Variants in ZCWPW2 observed in about 807,000 individuals in gnomAD.
ZCWPW2 encodes the protein zinc finger CW-type and PWWP domain containing 2, also known as zinc finger CW-type PWWP domain protein 2.
A neutral mutation model predicts 46.6 loss-of-function variants in ZCWPW2; 45 were observed. The ratio of observed to expected loss-of-function variants is 0.96; its 90% CI spans 0.76 to 1.24. The LOEUF (loss-of-function observed/expected upper bound fraction) is 1.24, where lower values mean the gene tolerates loss of function less well. Among genes scored for constraint, ZCWPW2 ranks in the 50% most tolerant of loss-of-function variants. ZCWPW2 has a pLI of 0.00. For missense variants in ZCWPW2, 429 were observed against 403.9 expected (o/e 1.06, Z -0.53); for synonymous variants, 152 against 137.1 (o/e 1.11, Z -0.76).
intron 4 of ZCWPW2, chr3:28,461,573 C>T (rs1163980767): frequency 6.6e-6 from 1 of 151,940 alleles, no homozygotes; most frequent in African/African-American, 2.4e-5. Context: ...ATGTAGCAGC[C>T]TTTCATTTTC....
At chr3:28,449,650 C>T (rs1698146887) in intron 4 of ZCWPW2, among the ~76,000 whole-genome samples, 1 of 152,094 alleles carries the variant, frequency 6.6e-6, no homozygotes, top group East Asian at 1.9e-4. Context: ...CCAAACTGTA[C>T]ACTTAAAATA....
At chr3:28,475,957 G>T (rs1699226267) in intron 4 of ZCWPW2, among the ~76,000 whole-genome samples, 1 of 151,940 alleles carries the variant, frequency 6.6e-6, no homozygotes, top group Non-Finnish European at 1.5e-5. Flanking sequence ...CTTCTCATAG[G>T]CTACAATGTA....
intron 3 of ZCWPW2, among the ~76,000 whole-genome samples, chr3:28,427,384 T>C (rs1168924811): frequency 1.3e-5 from 2 of 152,236 alleles, no homozygotes; most frequent in Non-Finnish European, 2.9e-5. Flanking sequence ...TCATGTTTTC[T>C]ACATCTATTG....
At chr3:28,362,450 C>T (rs1219606543) in intron 1 of ZCWPW2, among the ~76,000 whole-genome samples, 3 of 152,120 alleles carry the variant, frequency 2.0e-5, no homozygotes, top group African/African-American at 2.4e-5. Context: ...AGAAGACATA[C>T]ATGCGGCCAA....
At chr3:28,508,986 C>T (rs2125829888) in intron 6 of ZCWPW2, among the ~76,000 whole-genome samples, 1 of 152,150 alleles carries the variant, frequency 6.6e-6, no homozygotes, top group South Asian at 2.1e-4. Flanking sequence ...TTTTCATCAC[C>T]CTGAAAGGAA....
Position 28,506,728 on chromosome 3 carries a change from A to G in ZCWPW2, c.658-7336A>G, listed in dbSNP as rs539802647. Among the ~76,000 whole-genome samples the G allele has an allele frequency of 7.9e-5, 12 of 152,096 alleles. No individual in the cohort carries two copies. In the South Asian group the frequency reaches 2.5e-3, roughly 32 times the overall value. On this transcript the variant is annotated intron_variant, in intron 6 of 9. Coordinates refer to ENST00000383768, the MANE Select transcript of ZCWPW2 (RefSeq NM_001040432.4). ...GATAATACATTTCTCTTGTTTTTCC[A>G]TTTGTGATAATTTGTTACAGCAGTC...
chr3:28,518,960 A>G (rs1406098009), intron 8 of ZCWPW2, among the ~76,000 whole-genome samples: 1 of 152,216 alleles, frequency 6.6e-6, no homozygotes, highest in Admixed American at 6.5e-5. Context: ...AAAAACTTAC[A>G]TTCCTCTAGA....
chr3:28,444,065 A>G (rs1311970095), intron 4 of ZCWPW2, among the ~76,000 whole-genome samples: 1 of 152,218 alleles, frequency 6.6e-6, no homozygotes, highest in East Asian at 1.9e-4. Flanking sequence ...CTGCAACATT[A>G]AAAGCAGAAT....
chr3:28,388,435 G>A (rs572819132), intron 1 of ZCWPW2, among the ~76,000 whole-genome samples: 1 of 152,088 alleles, frequency 6.6e-6, no homozygotes, highest in South Asian at 2.1e-4. Flanking sequence ...CAACTATGTT[G>A]CATACAACTG....
chr3:28,440,838 G>C (rs914271155), intron 4 of ZCWPW2, among the ~76,000 whole-genome samples: 1 of 152,204 alleles, frequency 6.6e-6, no homozygotes, highest in African/African-American at 2.4e-5. Flanking sequence ...TCCAGAGTAA[G>C]TGTCTAGTCC....
chr3:28,461,788 A>C (rs564823731), intron 4 of ZCWPW2: 1 of 152,222 alleles, frequency 6.6e-6, no homozygotes, highest in African/African-American at 2.4e-5. Flanking sequence ...TAAGAAAAAC[A>C]GTATAGTATG....
intron 2 of ZCWPW2, among the ~76,000 whole-genome samples, chr3:28,409,936 G>T (rs1696332860): frequency 6.6e-6 from 1 of 151,946 alleles, no homozygotes; most frequent in Non-Finnish European, 1.5e-5. Context: ...ACTATATATT[G>T]TTTACAGGAG....
intron 2 of ZCWPW2, among the ~76,000 whole-genome samples, chr3:28,409,904 T>C (rs1025120979): frequency 3.3e-5 from 5 of 152,070 alleles, no homozygotes; most frequent in African/African-American, 9.7e-5. Context: ...ATATCTTAGA[T>C]TGGATAAAAA....
chr3:28,503,698 AAAATT>A (rs1700207300), intron 6 of ZCWPW2, among the ~76,000 whole-genome samples: 1 of 151,970 alleles, frequency 6.6e-6, no homozygotes, highest in Non-Finnish European at 1.5e-5. Context: ...CAGTGAAAAG[AAAATT>A]GGCTTATAGC....
chr3:28,469,710 GTGTATATATATATGATATATATA>G (rs1036086771), intron 4 of ZCWPW2, among the ~76,000 whole-genome samples: 1 of 151,208 alleles, frequency 6.6e-6, no homozygotes, highest in African/African-American at 2.4e-5. Flanking sequence ...ATGTATATGT[GTGTATATATATATGATATATATA>G]TGTATATATA....
chr3:28,365,098 G>A (rs1008704097), intron 1 of ZCWPW2, among the ~76,000 whole-genome samples: 5 of 151,246 alleles, frequency 3.3e-5, no homozygotes, highest in African/African-American at 1.2e-4. Context: ...TCTGTAGGTT[G>A]CCTGTTCACT....
chr3:28,357,841 G>A (rs1306063544), intron 1 of ZCWPW2, among the ~76,000 whole-genome samples: 1 of 145,198 alleles, frequency 6.9e-6, no homozygotes, highest in Admixed American at 6.9e-5. Flanking sequence ...ATATATCTGT[G>A]CATCCTATTG....
intron 4 of ZCWPW2, among the ~76,000 whole-genome samples, chr3:28,462,847 C>A (rs950279406): frequency 1.3e-5 from 2 of 152,140 alleles, no homozygotes; most frequent in African/African-American, 4.8e-5. Context: ...ATAGCACAAA[C>A]CTTGTTCAGC....
At chr3:28,478,102 A>G (rs1339184306) in intron 4 of ZCWPW2, among the ~76,000 whole-genome samples, 4 of 152,194 alleles carry the variant, frequency 2.6e-5, no homozygotes, top group Non-Finnish European at 5.9e-5. Flanking sequence ...TTTCATACTC[A>G]TGAAACCTTA....
Sources: allele counts gnomAD v4.1 joint callset (sites outside exome capture counted in the v4.1 genomes callset), GRCh38; gene constraint gnomAD v4.1.1; transcripts MANE v1.5; gene names NCBI Gene and HGNC (gene_info 2026-07-23, HGNC 2026-07-21).